PCSK5: variants seen among roughly 807,000 people sequenced by gnomAD.
PCSK5 encodes the protein proprotein convertase subtilisin/kexin type 5, also known as prohormone convertase 5.
Under a neutral mutation model 233.2 loss-of-function variants are expected in PCSK5, and 129 were observed. The ratio of observed to expected loss-of-function variants is 0.55; its 90% CI spans 0.48 to 0.64. The LOEUF (loss-of-function observed/expected upper bound fraction) is 0.64. Among genes scored for constraint, PCSK5 ranks in the 30% least tolerant of loss-of-function variants. The probability of loss-of-function intolerance (pLI) is 0.00; values close to 1 mark genes in which losing one functional copy is unlikely to be tolerated. For synonymous variants in PCSK5, 825 were observed against 879.2 expected (o/e 0.94, Z 1.09); for missense variants, 2,076 against 2,430.1 (o/e 0.85, Z 3.06).
intron 10 of PCSK5, among the ~76,000 whole-genome samples, chr9:76,151,263 C>T (rs1823662348): frequency 6.6e-6 from 1 of 152,186 alleles, no homozygotes; most frequent in South Asian, 2.1e-4. Flanking sequence ...TCTTTGATCT[C>T]TGGTTCGGAA....
At chr9:76,165,167 C>T (rs767297885) in intron 12 of PCSK5, among the ~76,000 whole-genome samples, 3 of 152,056 alleles carry the variant, frequency 2.0e-5, no homozygotes, top group Admixed American at 6.5e-5. Context: ...GTTCTTCAAG[C>T]TCTACCTTAA....
intron 9 of PCSK5, among the ~76,000 whole-genome samples, chr9:76,108,685 G>A (rs896837870): frequency 1.4e-4 from 21 of 152,152 alleles, no homozygotes; most frequent in Admixed American, 3.3e-4. Flanking sequence ...CCCAGTAGGC[G>A]GAGGTTGCAG....
intron 3 of PCSK5, among the ~76,000 whole-genome samples, chr9:75,995,222 G>A (rs1023202864): frequency 1.3e-5 from 2 of 152,070 alleles, no homozygotes; most frequent in Non-Finnish European, 2.9e-5. Context: ...TTCCATCTCT[G>A]TGTGTGATCA....
In PCSK5 at chr9:76,301,261, G is replaced by A. The variant is rs533392238; in HGVS notation, c.3524-876G>A. On this transcript the variant is annotated intron_variant, in intron 27 of 37. Coordinates refer to ENST00000674117, the MANE Select transcript of PCSK5 (RefSeq NM_001372043.1). ...CACTCCAGCCTGGGCAACAGAGCGCGACTCTCTCAAAAAAAAAAAAAAGAA... is the reference window on the plus strand; with the variant it reads ...CACTCCAGCCTGGGCAACAGAGCGCAACTCTCTCAAAAAAAAAAAAAAGAA... 3.3e-4 allele frequency among the ~76,000 whole-genome samples: 44 copies of A among 133,076 alleles called. No individual in the cohort carries two copies. In the South Asian group the frequency reaches 6.2e-3, roughly 19 times the overall value. 87.3% of individuals were successfully genotyped at this position (133,076 alleles called of 152,430 possible). A position where few individuals can be genotyped will look rare whatever the true frequency, so the allele number is the denominator to read the frequency against.
intron 9 of PCSK5, among the ~76,000 whole-genome samples, chr9:76,133,834 C>T (rs565959111): frequency 4.6e-5 from 7 of 152,038 alleles, no homozygotes; most frequent in Admixed American, 1.3e-4. Flanking sequence ...AAACCGGAAA[C>T]GCTCACCCTT....
In PCSK5 at chr9:76,076,443, T is replaced by G. The variant is rs79635195; in HGVS notation, c.894+4545T>G. On this transcript the variant is annotated intron_variant, in intron 7 of 37. Coordinates refer to ENST00000674117, the MANE Select transcript of PCSK5 (RefSeq NM_001372043.1). The stretch of plus-strand genomic sequence containing the variant: ...ATGTGGGGTGAGAGATGAAGAGGCA[T>G]GACTGGAAGATTGAAGTGGTCCAGG... Among the ~76,000 whole-genome samples the G allele has an allele frequency of 3.7e-3, 567 of 152,276 alleles. 5 individuals carry two copies. Among genetic ancestry groups the G allele is most frequent in the South Asian group, 0.024 (117 of 4,822 alleles).
intron 30 of PCSK5, among the ~76,000 whole-genome samples, chr9:76,313,328 C>T (rs1026845806): frequency 2.6e-5 from 4 of 152,168 alleles, no homozygotes; most frequent in South Asian, 2.1e-4. Context: ...GTATAATTCA[C>T]GGTTTTTAGT....
Position 76,172,902 on chromosome 9 carries a change from C to T in PCSK5, c.1757-2084C>T, listed in dbSNP as rs148624846. ...TGGCAGAGGGCAAACCATACATAAA[C>T]CGATTGTACTGGTCCAATGTAAAAG... On this transcript the variant is annotated intron_variant, in intron 13 of 37. Transcript: ENST00000674117. 4.1e-4 allele frequency among the ~76,000 whole-genome samples: 63 copies of T among 152,254 alleles called. No homozygotes were observed. The East Asian group carries it at 9.8e-3, about 24-fold the overall frequency.
intron 9 of PCSK5, among the ~76,000 whole-genome samples, chr9:76,107,766 G>T (rs779674817): frequency 1.3e-5 from 2 of 152,128 alleles, no homozygotes; most frequent in Admixed American, 1.3e-4. Flanking sequence ...TCACAGACTG[G>T]CTCTGCAGAA....
chr9:76,248,026 C>T (rs1165947359), intron 24 of PCSK5, among the ~76,000 whole-genome samples: 3 of 152,058 alleles, frequency 2.0e-5, no homozygotes, highest in Admixed American at 6.5e-5. Context: ...CCTCGTGGTC[C>T]GCCAGCCTCA....
intron 24 of PCSK5, among the ~76,000 whole-genome samples, chr9:76,259,456 TACACACAC>T (rs10592376): frequency 2.1e-4 from 31 of 148,784 alleles, no homozygotes; most frequent in African/African-American, 3.0e-4. Context: ...CTGTCTACAC[TACACACAC>T]ACACACACAC....
intron 20 of PCSK5, among the ~76,000 whole-genome samples, chr9:76,204,493 A>C (rs1445856308): frequency 2.0e-3 from 215 of 104,990 alleles, no homozygotes; most frequent in South Asian, 3.0e-3. Context: ...TCTCTCCTCT[A>C]CTCTCTCCCC....
At chr9:76,340,820 C>T (rs930332637) in intron 35 of PCSK5, among the ~76,000 whole-genome samples, 38 of 152,020 alleles carry the variant, frequency 2.5e-4, no homozygotes, top group African/African-American at 8.9e-4. Context: ...TTCTTCAGCA[C>T]TCCATTTCAT....
rs1587537299 is a variant in PCSK5 at position 76,040,379 on chromosome 9, CTCTCTG to C, written c.632+13348_632+13353del. Among the ~76,000 whole-genome samples the C allele has an allele frequency of 1.1e-3, 55 of 51,118 alleles. 2 individuals are homozygous for C. The South Asian group carries it at 0.012, about 11-fold the overall frequency. The allele number at this position is 51,118 out of a possible 152,430, so 33.5% of individuals were successfully genotyped here. ...TCTCTCTCTCTCTCTCTCTCTCTCTCTCTCTGTCTCTCTCTCTCTCTCTCTCTCTCT... is the reference window on the plus strand; with the variant it reads ...TCTCTCTCTCTCTCTCTCTCTCTCTCTCTCTCTCTCTCTCTCTCTCTCTCT... On this transcript the variant is annotated intron_variant, in intron 5 of 37. Coordinates refer to ENST00000674117, the MANE Select transcript of PCSK5 (RefSeq NM_001372043.1).
intron 9 of PCSK5, among the ~76,000 whole-genome samples, chr9:76,122,816 C>CTTTTTT (rs11430110): frequency 2.3e-5 from 3 of 130,514 alleles, no homozygotes; most frequent in South Asian, 2.4e-4. Flanking sequence ...CTTATTTTTT[C>CTTTTTT]TTTTTTTTTT....
chr9:76,070,960 T>G (rs143236720), intron 6 of PCSK5, among the ~76,000 whole-genome samples: 5 of 152,314 alleles, frequency 3.3e-5, no homozygotes, highest in African/African-American at 7.2e-5. Flanking sequence ...AACAATTAGA[T>G]GCTTGGTTGT....
intron 33 of PCSK5, among the ~76,000 whole-genome samples, chr9:76,329,255 C>T (rs1174199125): frequency 1.3e-5 from 2 of 152,060 alleles, no homozygotes; most frequent in Non-Finnish European, 2.9e-5. Flanking sequence ...CCTGCCTCAG[C>T]CTCCCAAGTA....
chr9:76,041,863 T>A (rs990905755), intron 5 of PCSK5, among the ~76,000 whole-genome samples: 4 of 146,170 alleles, frequency 2.7e-5, no homozygotes, highest in African/African-American at 1.0e-4. Flanking sequence ...AAAAAAAGAT[T>A]TTATAATGTG....
intron 10 of PCSK5, among the ~76,000 whole-genome samples, chr9:76,138,740 C>G (rs1247643671): frequency 3.9e-5 from 6 of 151,976 alleles, no homozygotes. Context: ...AATCTAGGAA[C>G]AGGAATAGAC....
Sources: allele counts gnomAD v4.1 joint callset (sites outside exome capture counted in the v4.1 genomes callset), GRCh38; gene constraint gnomAD v4.1.1; transcripts MANE v1.5; gene names NCBI Gene and HGNC (gene_info 2026-07-23, HGNC 2026-07-21).